The following MVB12B variants were observed in gnomAD, a reference collection of about 807,000 sequenced individuals.
The protein encoded by MVB12B is multivesicular body subunit 12B.
In MVB12B, 16 loss-of-function variants were observed where a neutral mutation model predicts 41.6. The observed-to-expected ratio is 0.38, with a 90% CI of 0.26 to 0.58. MVB12B has a LOEUF of 0.58. Ranked by LOEUF, MVB12B falls within the 20% of genes least tolerant of loss-of-function variation. MVB12B has a pLI of 0.62. For synonymous variants in MVB12B, 133 were observed against 139.7 expected, an observed-to-expected ratio of 0.95 and a Z score of 0.34; for missense variants, 274 against 380.2, an observed-to-expected ratio of 0.72 and a Z score of 2.32.
chr9:126,376,341 C>T lies in MVB12B; in HGVS notation c.205-4723C>T, dbSNP rs1830479086. The T allele has an allele frequency of 2.4e-6, 1 of 411,314 alleles. No individual in the cohort carries two copies. Among genetic ancestry groups the T allele is most frequent in the African/African-American group, 2.1e-5 (1 of 48,486 alleles). The allele number at this position is 411,314 out of a possible 1,614,324, so 25.5% of individuals were successfully genotyped here. On this transcript the variant is annotated intron_variant, in intron 2 of 9. Transcript: ENST00000361171. This position sits in a 1 kb window ranked among gnomAD's most constrained non-coding sequence, Gnocchi z 4.1. ...TGAGCCGGCACTGTTTCCCCCTATT[C>T]TCTTTGCTACCTTCAAGCTCCCTTT...
chr9:126,430,726 T>G (rs73597427), intron 7 of MVB12B, among the ~76,000 whole-genome samples: 2,819 of 151,772 alleles, frequency 0.019, 68 homozygotes, highest in African/African-American at 0.057. Context: ...CATTTGGGGT[T>G]GGAAGCATAG....
rs1415102250 is a variant in MVB12B at position 126,376,299 on chromosome 9, G to C, written c.205-4765G>C. The C allele has an allele frequency of 2.8e-6, 1 of 352,300 alleles. No homozygotes were observed. 21.8% of individuals were successfully genotyped at this position (352,300 alleles called of 1,614,324 possible). On this transcript the variant is annotated intron_variant, in intron 2 of 9. Coordinates refer to ENST00000361171, the MANE Select transcript of MVB12B (RefSeq NM_033446.3). The surrounding 1 kb of genome is among the most constrained non-coding windows in gnomAD (Gnocchi z 4.1). ...TCATCCCTCTGAGGATTTAATTACA[G>C]ACTGGGTTCTCTGTCCTGAGCCGGC...
chr9:126,420,130 G>T (rs1831962069), intron 6 of MVB12B, among the ~76,000 whole-genome samples: 1 of 152,150 alleles, frequency 6.6e-6, no homozygotes, highest in Non-Finnish European at 1.5e-5. Context: ...AGAATATATT[G>T]TTCCTTCTTT....
intron 2 of MVB12B, among the ~76,000 whole-genome samples, chr9:126,347,569 T>G (rs1174470768): frequency 6.6e-6 from 1 of 152,172 alleles, no homozygotes; most frequent in African/African-American, 2.4e-5. Context: ...TCTGGGCCAG[T>G]GGGCTGGGTA....
intron 3 of MVB12B, among the ~76,000 whole-genome samples, chr9:126,382,025 A>T (rs1830650900): frequency 6.6e-6 from 1 of 151,174 alleles, no homozygotes; most frequent in Non-Finnish European, 1.5e-5. Flanking sequence ...TCTCTTTGTC[A>T]TGTAAATTTT....
At chr9:126,370,312 T>C (rs1213014128) in intron 2 of MVB12B, among the ~76,000 whole-genome samples, 1 of 151,996 alleles carries the variant, frequency 6.6e-6, no homozygotes, top group East Asian at 1.9e-4. Flanking sequence ...AGTGATTTGC[T>C]GTGAATGGTC....
chr9:126,427,956 CTTT>C (rs11357346), intron 7 of MVB12B, among the ~76,000 whole-genome samples: 6 of 142,288 alleles, frequency 4.2e-5, no homozygotes, highest in East Asian at 2.0e-4. Context: ...AGCTTTTTTT[CTTT>C]TTTTTTTTTT....
intron 3 of MVB12B, among the ~76,000 whole-genome samples, chr9:126,384,338 A>C (rs1013054554): frequency 6.6e-6 from 1 of 152,172 alleles, no homozygotes. Flanking sequence ...CGGTTTCCTG[A>C]TGGCAGTGCC....
intron 7 of MVB12B, among the ~76,000 whole-genome samples, chr9:126,446,895 A>G (rs955871417): frequency 7.6e-6 from 1 of 131,296 alleles, no homozygotes; most frequent in Non-Finnish European, 1.7e-5. Flanking sequence ...GCTTTATACT[A>G]TTTAATAAAT....
chr9:126,355,902 C>T (rs1052423195), intron 2 of MVB12B, among the ~76,000 whole-genome samples: 1 of 152,132 alleles, frequency 6.6e-6, no homozygotes, highest in African/African-American at 2.4e-5. Flanking sequence ...ATTTTTATCA[C>T]CCCAAAAGGA....
intron 2 of MVB12B, among the ~76,000 whole-genome samples, chr9:126,377,805 G>A (rs1830521985): frequency 6.6e-6 from 1 of 152,180 alleles, no homozygotes; most frequent in African/African-American, 2.4e-5. Context: ...TTGGCACAGA[G>A]CCCCGGGACA....
intron 6 of MVB12B, among the ~76,000 whole-genome samples, chr9:126,417,615 G>A (rs1351381187): frequency 6.6e-6 from 1 of 152,194 alleles, no homozygotes; most frequent in Non-Finnish European, 1.5e-5. Context: ...TACAACACTT[G>A]ATTTGGTCAA....
chr9:126,437,557 A>C (rs1169840293), intron 7 of MVB12B, among the ~76,000 whole-genome samples: 1 of 152,256 alleles, frequency 6.6e-6, no homozygotes, highest in African/African-American at 2.4e-5. Flanking sequence ...ATAAAACATA[A>C]AGGCAGCAAT....
rs1833351031 is a variant in MVB12B, at chr9:126,473,153, A to AG, written c.758-8215dup. Among the ~76,000 whole-genome samples the AG allele has an allele frequency of 6.6e-6, 1 of 152,114 alleles. No homozygotes were observed. Among genetic ancestry groups the AG allele is most frequent in the African/African-American group, 2.4e-5 (1 of 41,402 alleles). On this transcript the variant is annotated intron_variant, in intron 7 of 9. Coordinates refer to ENST00000361171, the MANE Select transcript of MVB12B (RefSeq NM_033446.3). This position sits in a 1 kb window ranked among gnomAD's most constrained non-coding sequence, Gnocchi z 4.0. ...CACCCTCACCACAGCCCGCAGAGGC[A>AG]GCTGTAGTATTATGCCCACCTTACA...
At chr9:126,334,121 T>C (rs2118794506) in intron 1 of MVB12B, among the ~76,000 whole-genome samples, 1 of 152,346 alleles carries the variant, frequency 6.6e-6, no homozygotes, top group East Asian at 1.9e-4. Flanking sequence ...GAATGTGGAC[T>C]TTCCGTCTCA....
chr9:126,417,371 G>A lies in MVB12B; in HGVS notation c.663-4483G>A, dbSNP rs968917240. Among the ~76,000 whole-genome samples, 8 of 152,188 alleles carry A rather than the reference G, an allele frequency of 5.3e-5. No homozygotes were observed. The East Asian group carries it at 1.5e-3, about 29-fold the overall frequency. ...CAGGCACACATTGTCTATCATATAT[G>A]AACAGAAACCTTCTTTTTTTTCCCT... is the stretch of plus-strand genomic sequence containing the variant. On this transcript the variant is annotated intron_variant, in intron 6 of 9. Transcript: ENST00000361171.
chr9:126,354,686 C>T (rs1256637232), intron 2 of MVB12B, among the ~76,000 whole-genome samples: 2 of 151,960 alleles, frequency 1.3e-5, no homozygotes, highest in Admixed American at 6.5e-5. Context: ...TACACACATG[C>T]GTGGGAATGC....
At chr9:126,345,491 T>C (rs1306536979) in intron 2 of MVB12B, among the ~76,000 whole-genome samples, 2 of 152,206 alleles carry the variant, frequency 1.3e-5, no homozygotes, top group Non-Finnish European at 2.9e-5. Flanking sequence ...GGGCCCTGCA[T>C]CAGAGTTCCT....
At chr9:126,487,322 G>A (rs1168663605) in intron 9 of MVB12B, among the ~76,000 whole-genome samples, 7 of 152,148 alleles carry the variant, frequency 4.6e-5, no homozygotes, top group African/African-American at 1.2e-4. Flanking sequence ...CATCGTTACC[G>A]TTCTCCTTGT....
Sources: allele counts gnomAD v4.1 joint callset (sites outside exome capture counted in the v4.1 genomes callset), GRCh38; gene constraint gnomAD v4.1.1; non-coding constraint Gnocchi (gnomAD v3.1); transcripts MANE v1.5; gene names NCBI Gene and HGNC (gene_info 2026-07-23, HGNC 2026-07-21).